The following ACO2 variants were observed in gnomAD, a reference collection of about 807,000 sequenced individuals.
ACO2 encodes aconitate hydratase, mitochondrial.
In ACO2, 31 loss-of-function variants were observed where a neutral mutation model predicts 84.5. The ratio of observed to expected loss-of-function variants is 0.37; its 90% confidence interval spans 0.28 to 0.50. ACO2 has a LOEUF of 0.50. Among genes scored for constraint, ACO2 ranks in the 20% least tolerant of loss-of-function variants. The probability of loss-of-function intolerance (pLI) is 0.97; values close to 1 mark genes in which losing one functional copy is unlikely to be tolerated. For missense variants in ACO2, 685 were observed against 1,029.3 expected (o/e 0.67, Z 4.58); for synonymous variants, 414 against 412.7 (o/e 1.00, Z -0.04).
Position 41,528,217 on chromosome 22 carries a change from A to C in ACO2, c.2208+195A>C, listed in dbSNP as rs2066644672. The C allele has an allele frequency of 7.8e-6, 7 of 895,296 alleles. No homozygotes were observed. In the Admixed American group the frequency reaches 2.0e-4, roughly 26 times the overall value. The allele number at this position is 895,296 out of a possible 1,614,324, so 55.5% of individuals were successfully genotyped here. ...GGGTTGGAGTCAACCCGGGGCCCTC[A>C]CACCTCCCCAACCTCCCTTTACTCA... is the stretch of plus-strand genomic sequence containing the variant. On this transcript the variant is annotated intron_variant, in intron 17 of 17. Coordinates refer to ENST00000216254, the MANE Select transcript of ACO2 (RefSeq NM_001098.3).
intron 1 of ACO2, among the ~76,000 whole-genome samples, chr22:41,479,823 T>C (rs1351072657): frequency 1.3e-5 from 2 of 152,182 alleles, no homozygotes; most frequent in Non-Finnish European, 2.9e-5. Flanking sequence ...GGGCTTGGGA[T>C]TTGTATGCAG....
chr22:41,517,887 C>CT (rs1438549417), intron 7 of ACO2, among the ~76,000 whole-genome samples: 1 of 152,244 alleles, frequency 6.6e-6, no homozygotes, highest in African/African-American at 2.4e-5. Context: ...TTCATTTTCC[C>CT]TGGAAGGTGG....
intron 1 of ACO2, among the ~76,000 whole-genome samples, chr22:41,481,657 C>T (rs748218117): frequency 4.6e-5 from 7 of 152,264 alleles, no homozygotes; most frequent in African/African-American, 1.2e-4. Flanking sequence ...TGTGATGTGC[C>T]GTGGGGTGGG....
intron 16 of ACO2, chr22:41,527,635 G>C (rs934789793): frequency 2.5e-6 from 2 of 809,020 alleles, no homozygotes; most frequent in Non-Finnish European, 3.8e-6. Flanking sequence ...TTGTAGATCT[G>C]AGCCGCTGAG....
At chr22:41,524,718 A>C in intron 12 of ACO2, 128 bp from the exon 13 acceptor site, 1 of 1,444,218 alleles carries the variant, frequency 6.9e-7, no homozygotes, top group Non-Finnish European at 9.5e-7. Flanking sequence ...TCTGAGGAAC[A>C]CAGGGGTCTG....
intron 1 of ACO2, among the ~76,000 whole-genome samples, chr22:41,489,996 G>A (rs932675463): frequency 6.6e-6 from 1 of 151,774 alleles, no homozygotes; most frequent in South Asian, 2.1e-4. Flanking sequence ...TTCTTTTTCT[G>A]ATTACAAAAG....
intron 4 of ACO2, among the ~76,000 whole-genome samples, chr22:41,513,647 C>T (rs767732600): frequency 5.3e-5 from 8 of 152,214 alleles, no homozygotes; most frequent in Non-Finnish European, 1.0e-4. Flanking sequence ...TGCACTGGAT[C>T]ATGTGCTCTG....
chr22:41,513,816 C>A (rs939454538), intron 4 of ACO2, among the ~76,000 whole-genome samples: 4 of 152,186 alleles, frequency 2.6e-5, no homozygotes, highest in African/African-American at 9.7e-5. Context: ...AGCCCTCACC[C>A]CCATCTGTCC....
At chr22:41,492,848 G>A (rs1304589088) in intron 1 of ACO2, among the ~76,000 whole-genome samples, 1 of 152,194 alleles carries the variant, frequency 6.6e-6, no homozygotes, top group African/African-American at 2.4e-5. Context: ...GGAGGCTGAG[G>A]CGGAAGAATA....
rs746090988 is a variant in ACO2, at chr22:41,524,973, G to C, written c.1605+5G>C. 1.7e-5 allele frequency: 27 copies of C among 1,614,040 alleles called. No homozygotes were observed. In the African/African-American group the frequency reaches 3.6e-4, roughly 22 times the overall value. On this transcript the variant is annotated splice_donor_5th_base_variant and intron_variant, in intron 13 of 17. Coordinates refer to ENST00000216254, the MANE Select transcript of ACO2 (RefSeq NM_001098.3). ...GCAGATGAGCTTCCCAAAGGGGTGA[G>C]CGCCCACGCCCCCTGCTTGCTGGTT... is the stretch of plus-strand genomic sequence containing the variant.
chr22:41,512,596 G>A (rs1436288435), intron 4 of ACO2, among the ~76,000 whole-genome samples: 1 of 152,174 alleles, frequency 6.6e-6, no homozygotes, highest in African/African-American at 2.4e-5. Flanking sequence ...CGCCCCCAGA[G>A]CTCTTTCTGC....
chr22:41,486,533 C>T (rs2038159389), intron 1 of ACO2, among the ~76,000 whole-genome samples: 2 of 145,836 alleles, frequency 1.4e-5, no homozygotes, highest in South Asian at 2.2e-4. Flanking sequence ...TGCAGTGGCG[C>T]GATCTCTGCT....
rs953654765 is a variant in ACO2 at position 41,515,288 on chromosome 22, C to T, written c.526-89C>T. The stretch of plus-strand genomic sequence containing the variant: ...GTTCCATCCTGGGAGAGTGGCTGGA[C>T]GTGGTTGGGAGGCCCCGGGTCAGTG... On this transcript the variant is annotated intron_variant, in intron 4 of 17. Coordinates refer to ENST00000216254, the MANE Select transcript of ACO2 (RefSeq NM_001098.3). The surrounding 1 kb of genome is among the most constrained non-coding windows in gnomAD (Gnocchi z 5.8). The T allele has an allele frequency of 4.3e-5, 63 of 1,468,112 alleles. 1 individual carries two copies. The highest frequency in any genetic ancestry group is 2.4e-4 in the Middle Eastern group (1 of 4,178). The allele number at this position is 1,468,112 out of a possible 1,614,324, so 90.9% of individuals were successfully genotyped here. A position where few individuals can be genotyped will look rare whatever the true frequency, so the allele number is the denominator to read the frequency against.
chr22:41,526,231 T>C (rs2066592934), intron 14 of ACO2, 31 bp from the exon 15 acceptor site: 1 of 1,597,478 alleles, frequency 6.3e-7, no homozygotes, highest in Non-Finnish European at 8.5e-7. Flanking sequence ...GGCCATGCCC[T>C]GACCTCTGTC....
Position 41,528,036 on chromosome 22 carries a change from G to A in ACO2, c.2208+14G>A, listed in dbSNP as rs747117918. On this transcript the variant is annotated intron_variant, in intron 17 of 17. Transcript: ENST00000216254. ...ACCCCTGGCAAGGTTAGGGGCCCGG[G>A]TCCCCCTGAGGTGGTGGGGTGAGGG... The A allele has an allele frequency of 9.9e-6, 16 of 1,613,908 alleles. No individual in the cohort carries two copies. The Admixed American group carries it at 1.7e-4, about 17-fold the overall frequency.
intron 4 of ACO2, among the ~76,000 whole-genome samples, chr22:41,513,035 C>T (rs1187004693): frequency 2.6e-5 from 4 of 152,184 alleles, no homozygotes; most frequent in Admixed American, 2.0e-4. Flanking sequence ...CCAGAGCCAG[C>T]AGGGGATCAC....
Position 41,527,423 on chromosome 22 carries a change from G to A in ACO2, c.2086+3G>A. The stretch of plus-strand genomic sequence containing the variant: ...CAAGAGCTTTGCCAGGATCCACGGT[G>A]AGCTGGAGTCTGTACCCAGGCCATC... On this transcript the variant is annotated splice_donor_region_variant and intron_variant, in intron 16 of 17. Transcript: ENST00000216254. The A allele has an allele frequency of 1.2e-6, 2 of 1,608,802 alleles. No individual in the cohort carries two copies. Among genetic ancestry groups the A allele is most frequent in the Non-Finnish European group, 1.7e-6 (2 of 1,178,082 alleles).
chr22:41,527,663 G>A, intron 16 of ACO2: 1 of 789,758 alleles, frequency 1.3e-6, no homozygotes, highest in Non-Finnish European at 2.0e-6. Flanking sequence ...ACATGTGCCA[G>A]GGGGTTCTTT....
At chr22:41,512,922 C>T (rs2066445344) in intron 4 of ACO2, among the ~76,000 whole-genome samples, 1 of 152,178 alleles carries the variant, frequency 6.6e-6, no homozygotes, top group Non-Finnish European at 1.5e-5. Flanking sequence ...GGCCCTTCCC[C>T]CCACCTCCAT....
Sources: allele counts gnomAD v4.1 joint callset (sites outside exome capture counted in the v4.1 genomes callset), GRCh38; gene constraint gnomAD v4.1.1; non-coding constraint Gnocchi (gnomAD v3.1); transcripts MANE v1.5; gene names NCBI Gene and HGNC (gene_info 2026-07-23, HGNC 2026-07-21).